The following PTPRN2 variants were observed in gnomAD, a reference collection of about 807,000 sequenced individuals.
PTPRN2 encodes protein tyrosine phosphatase receptor type N2.
In PTPRN2, 74 loss-of-function variants were observed where a neutral mutation model predicts 118.8. That is an observed-to-expected ratio of 0.62 (90% CI 0.52 to 0.76). The LOEUF is 0.76. PTPRN2 is among the 30% of genes least tolerant of loss of function. The probability of loss-of-function intolerance (pLI) is 0.00; values close to 1 mark genes in which losing one functional copy is unlikely to be tolerated. For synonymous variants in PTPRN2, 641 were observed against 608.0 expected (o/e 1.05, Z -0.80); for missense variants, 1,481 against 1,394.4 (o/e 1.06, Z -0.99).
intron 11 of PTPRN2, among the ~76,000 whole-genome samples, chr7:158,060,689 A>C (rs569413234): frequency 1.3e-5 from 2 of 152,370 alleles, no homozygotes; most frequent in South Asian, 4.1e-4. Flanking sequence ...GGTGTCACCC[A>C]GAAATGGTTG....
chr7:158,466,492 T>G (rs114026880), intron 2 of PTPRN2, among the ~76,000 whole-genome samples: 1,922 of 152,304 alleles, frequency 0.013, 33 homozygotes, highest in African/African-American at 0.043. Context: ...TCATCCATGT[T>G]TTGAAAATGA....
Position 158,525,972 on chromosome 7 carries a change from C to A in PTPRN2, c.113-36187G>T, listed in dbSNP as rs776243353. Among the ~76,000 whole-genome samples, 2 of 152,226 alleles carry A rather than the reference C, an allele frequency of 1.3e-5. No individual in the cohort carries two copies. Among genetic ancestry groups the A allele is most frequent in the African/African-American group, 4.8e-5 (2 of 41,454 alleles). On this transcript the variant is annotated intron_variant, in intron 1 of 22. Transcript: ENST00000389418. This position sits in a 1 kb window ranked among gnomAD's most constrained non-coding sequence, Gnocchi z 4.1. ...CAACATCCCAAGCCGACAATGCCCC[C>A]CCATTGACTCGGCTCTCTGCAGACC...
intron 10 of PTPRN2, among the ~76,000 whole-genome samples, chr7:158,108,037 C>T (rs1047700152): frequency 2.0e-5 from 3 of 151,888 alleles, no homozygotes; most frequent in African/African-American, 7.3e-5. Context: ...CCCCAAAAAA[C>T]ATCTGCATCT....
Position 158,587,770 on chromosome 7 carries a change from C to T in PTPRN2, c.-101G>A. 2.9e-6 allele frequency: 3 copies of T among 1,020,434 alleles called. No individual in the cohort carries two copies. The highest frequency in any genetic ancestry group is 3.5e-6 in the Non-Finnish European group (3 of 852,472). 63.2% of individuals were successfully genotyped at this position (1,020,434 alleles called of 1,614,324 possible). A position where few individuals can be genotyped will look rare whatever the true frequency, so the allele number is the denominator to read the frequency against. ...GGAGGCGCGCGCCGCCGGCTCCTCC[C>T]GCCGCGCCTCTCGCGCTCTTGCGGC... On this transcript the variant is annotated 5_prime_UTR_variant, in exon 1 of 23. Transcript: ENST00000389418.
At chr7:158,297,316 T>C (rs921481941) in intron 3 of PTPRN2, among the ~76,000 whole-genome samples, 2 of 152,210 alleles carry the variant, frequency 1.3e-5, no homozygotes, top group Non-Finnish European at 2.9e-5. Flanking sequence ...GAACCTATTC[T>C]GAAATGTACC....
chr7:157,819,620 C>T (rs1032718317), intron 12 of PTPRN2, among the ~76,000 whole-genome samples: 3 of 151,810 alleles, frequency 2.0e-5, no homozygotes, highest in Non-Finnish European at 2.9e-5. Flanking sequence ...CACCAAGCGG[C>T]CACGGCACAG....
rs760331086 is a variant in PTPRN2 at position 158,541,524 on chromosome 7, A to G, written c.112+46034T>C. ...AACAAACATCACTTCCACCCTGGGCAAGGTGTGGCTCACACAGAACATCTT... is the reference window on the plus strand; with the variant it reads ...AACAAACATCACTTCCACCCTGGGCGAGGTGTGGCTCACACAGAACATCTT... On this transcript the variant is annotated intron_variant, in intron 1 of 22. Coordinates refer to ENST00000389418, the MANE Select transcript of PTPRN2 (RefSeq NM_002847.5). 14 of 1,352,038 alleles carry G rather than the reference A, an allele frequency of 1.0e-5. 1 individual carries two copies. Among genetic ancestry groups the G allele is most frequent in the Non-Finnish European group, 1.3e-5 (13 of 1,021,788 alleles). 83.8% of individuals were successfully genotyped at this position (1,352,038 alleles called of 1,614,324 possible).
chr7:158,511,745 G>A (rs1364472680), intron 1 of PTPRN2, among the ~76,000 whole-genome samples: 3 of 152,200 alleles, frequency 2.0e-5, no homozygotes, highest in Non-Finnish European at 2.9e-5. Context: ...CAGCTCCTTG[G>A]GTACAAACGG....
intron 1 of PTPRN2, among the ~76,000 whole-genome samples, chr7:158,562,234 G>C (rs750095459): frequency 6.6e-6 from 1 of 152,114 alleles, no homozygotes; most frequent in Non-Finnish European, 1.5e-5. Flanking sequence ...CATAGATGAC[G>C]CCTTCTCGCC....
At chr7:158,490,224 G>A (rs898512228) in intron 1 of PTPRN2, among the ~76,000 whole-genome samples, 2 of 152,246 alleles carry the variant, frequency 1.3e-5, no homozygotes, top group African/African-American at 2.4e-5. Context: ...GGGAGGTAAC[G>A]AGCTCCGCGG....
chr7:157,648,670 A>G (rs866924650), intron 14 of PTPRN2, among the ~76,000 whole-genome samples: 1 of 139,360 alleles, frequency 7.2e-6, no homozygotes, highest in African/African-American at 2.7e-5. Flanking sequence ...GGTGGGTCAG[A>G]CCCTTTCACT....
At chr7:158,507,014 G>A (rs1563371160) in intron 1 of PTPRN2, among the ~76,000 whole-genome samples, 1 of 152,224 alleles carries the variant, frequency 6.6e-6, no homozygotes, top group Non-Finnish European at 1.5e-5. Flanking sequence ...CCCCAGCATG[G>A]TCAGCTGAGG....
At chr7:158,304,605 G>T (rs1801144736) in intron 3 of PTPRN2, among the ~76,000 whole-genome samples, 1 of 152,236 alleles carries the variant, frequency 6.6e-6, no homozygotes, top group African/African-American at 2.4e-5. Flanking sequence ...ACACAGGCTT[G>T]GTCCAGAAAG....
chr7:158,069,516 C>T (rs572070126), intron 11 of PTPRN2, among the ~76,000 whole-genome samples: 3 of 151,734 alleles, frequency 2.0e-5, no homozygotes, highest in African/African-American at 4.8e-5. Flanking sequence ...TCTTTACCCC[C>T]CAAAGTGCTG....
At chr7:157,830,021 AT>A (rs1421886927) in intron 12 of PTPRN2, among the ~76,000 whole-genome samples, 2 of 152,178 alleles carry the variant, frequency 1.3e-5, no homozygotes, top group African/African-American at 4.8e-5. Flanking sequence ...GGTCTGCAGT[AT>A]CCTCTCTCCC....
intron 6 of PTPRN2, among the ~76,000 whole-genome samples, chr7:158,145,916 C>G (rs1006617014): frequency 6.6e-6 from 1 of 152,154 alleles, no homozygotes; most frequent in South Asian, 2.1e-4. Flanking sequence ...GGGGCAAGCT[C>G]GCTCATTTCT....
chr7:157,577,244 G>C (rs2150526068), intron 18 of PTPRN2, among the ~76,000 whole-genome samples: 1 of 152,320 alleles, frequency 6.6e-6, no homozygotes, highest in East Asian at 1.9e-4. Context: ...AAGGCTCACG[G>C]AGTCGCGCTG....
chr7:158,311,924 C>T (rs538374654), intron 3 of PTPRN2, among the ~76,000 whole-genome samples: 118 of 151,620 alleles, frequency 7.8e-4, no homozygotes, highest in Non-Finnish European at 1.3e-3. Context: ...CCTGCACACA[C>T]ATGTGCTCAC....
intron 3 of PTPRN2, among the ~76,000 whole-genome samples, chr7:158,222,130 A>T (rs572115755): frequency 6.6e-6 from 1 of 152,288 alleles, no homozygotes; most frequent in South Asian, 2.1e-4. Context: ...GCTGGTGGGA[A>T]TGTAAAGTAG....
Sources: allele counts gnomAD v4.1 joint callset (sites outside exome capture counted in the v4.1 genomes callset), GRCh38; gene constraint gnomAD v4.1.1; non-coding constraint Gnocchi (gnomAD v3.1); transcripts MANE v1.5; gene names NCBI Gene and HGNC (gene_info 2026-07-23, HGNC 2026-07-21).